The following TCF4 variants were observed in gnomAD, a reference collection of about 807,000 sequenced individuals.
The protein encoded by TCF4 is SL3-3 enhancer factor 2.
TCF4 carries 3 observed loss-of-function variants against 82.1 expected under a neutral mutation model. The observed-to-expected ratio is 0.04, with a 90% CI of 0.02 to 0.09. The LOEUF (loss-of-function observed/expected upper bound fraction) is 0.09. TCF4 is among the 10% of genes least tolerant of loss of function. TCF4 has a pLI of 1.00. For synonymous variants in TCF4, 276 were observed against 309.6 expected (o/e 0.89, Z 1.14); for missense variants, 518 against 852.7 (o/e 0.61, Z 4.89).
rs1457281028 is a variant in TCF4 at position 55,399,878 on chromosome 18, T to TCA, written c.369+3575_369+3576insTG. Among the ~76,000 whole-genome samples, 359 of 77,020 alleles carry TCA rather than the reference T, an allele frequency of 4.7e-3. 1 individual carries two copies. The highest frequency in any genetic ancestry group is 0.011 in the Admixed American group (73 of 6,772). 50.5% of individuals were successfully genotyped at this position (77,020 alleles called of 152,430 possible). A position where few individuals can be genotyped will look rare whatever the true frequency, so the allele number is the denominator to read the frequency against. On this transcript the variant is annotated intron_variant, in intron 6 of 19. Coordinates refer to ENST00000354452, the MANE Select transcript of TCF4 (RefSeq NM_001083962.2). ...ATCTCTCTCTCTCTCTCTCTCTCTC[T>TCA]CTCACACACACACACACACACACAC...
chr18:55,250,926 AGTGG>A (rs1463100884), intron 15 of TCF4, among the ~76,000 whole-genome samples: 1 of 152,200 alleles, frequency 6.6e-6, no homozygotes, highest in Non-Finnish European at 1.5e-5. Flanking sequence ...GGCTAGCATG[AGTGG>A]GGTAGCAAGG....
At chr18:55,616,600 A>G (rs1204529825) in intron 2 of TCF4, among the ~76,000 whole-genome samples, 2 of 152,046 alleles carry the variant, frequency 1.3e-5, no homozygotes, top group East Asian at 1.9e-4. Context: ...AAGGGTTCCA[A>G]TTTCTTCACA....
At chr18:55,431,868 G>T (rs76522571) in intron 5 of TCF4, among the ~76,000 whole-genome samples, 9,144 of 152,160 alleles carry the variant, frequency 0.06, 428 homozygotes, top group African/African-American at 0.13. Flanking sequence ...ATGTCGGGGG[G>T]GTCTTCCAAA....
At chr18:55,533,742 C>T (rs972089073) in intron 3 of TCF4, among the ~76,000 whole-genome samples, 1 of 152,066 alleles carries the variant, frequency 6.6e-6, no homozygotes, top group Non-Finnish European at 1.5e-5. Context: ...TAATAAAATC[C>T]CTTCAGTACC....
intron 2 of TCF4, among the ~76,000 whole-genome samples, chr18:55,604,671 T>A (rs1462624942): frequency 1.3e-5 from 2 of 152,052 alleles, no homozygotes; most frequent in African/African-American, 4.8e-5. Flanking sequence ...TCTCAAGTAA[T>A]GGATAGATGA....
At chr18:55,609,784 G>T (rs1438709525) in intron 2 of TCF4, among the ~76,000 whole-genome samples, 3 of 151,944 alleles carry the variant, frequency 2.0e-5, no homozygotes, top group African/African-American at 7.3e-5. Flanking sequence ...GCTCTGCTTG[G>T]TGCACTTTTT....
At chr18:55,360,915 T>C (rs1224012287) in intron 6 of TCF4, among the ~76,000 whole-genome samples, 4 of 151,522 alleles carry the variant, frequency 2.6e-5, no homozygotes, top group Non-Finnish European at 4.4e-5. Context: ...TTAGTTGAGA[T>C]AGGGTTTCAC....
At chr18:55,619,022 T>A (rs965336979) in intron 2 of TCF4, among the ~76,000 whole-genome samples, 15 of 152,188 alleles carry the variant, frequency 9.9e-5, no homozygotes, top group African/African-American at 3.1e-4. Context: ...GCTGGATTCA[T>A]AGAATGAGAT....
intron 3 of TCF4, among the ~76,000 whole-genome samples, chr18:55,468,679 T>C (rs2096087819): frequency 6.6e-6 from 1 of 152,190 alleles, no homozygotes. Context: ...TACTGTACAA[T>C]GGTGGGCTCA....
intron 3 of TCF4, among the ~76,000 whole-genome samples, chr18:55,569,083 C>T (rs920446643): frequency 2.6e-5 from 4 of 151,886 alleles, no homozygotes; most frequent in African/African-American, 9.7e-5. Flanking sequence ...TAGAATGAAA[C>T]TTTCTTAATC....
In TCF4 at chr18:55,224,286, A is replaced by G. The variant is rs192719779; in HGVS notation, c.*3749T>C. The G allele has an allele frequency of 2.0e-5, 3 of 152,674 alleles. No individual in the cohort carries two copies. Among genetic ancestry groups the G allele is most frequent in the Admixed American group, 6.5e-5 (1 of 15,290 alleles). 9.5% of individuals were successfully genotyped at this position (152,674 alleles called of 1,614,324 possible). A position where few individuals can be genotyped will look rare whatever the true frequency, so the allele number is the denominator to read the frequency against. ...TAATACTTGAAATGAGTATGGCAAAACCAGCACTGCACAAAGATGAGTCCA... is the reference window on the plus strand; with the variant it reads ...TAATACTTGAAATGAGTATGGCAAAGCCAGCACTGCACAAAGATGAGTCCA... On this transcript the variant is annotated 3_prime_UTR_variant, in exon 20 of 20. Coordinates refer to ENST00000354452, the MANE Select transcript of TCF4 (RefSeq NM_001083962.2).
chr18:55,496,334 A>G (rs750174546), intron 3 of TCF4: 1 of 151,996 alleles, frequency 6.6e-6, no homozygotes, highest in Non-Finnish European at 1.5e-5. Context: ...TCAGATACTC[A>G]TAACTCTGCC....
chr18:55,544,598 T>C (rs1344624655), intron 3 of TCF4, among the ~76,000 whole-genome samples: 3 of 152,186 alleles, frequency 2.0e-5, no homozygotes, highest in Non-Finnish European at 4.4e-5. Flanking sequence ...GTGGCCTCAT[T>C]GTAAGGCTCT....
intron 5 of TCF4, among the ~76,000 whole-genome samples, chr18:55,407,851 G>T (rs1334230968): frequency 6.6e-6 from 1 of 151,786 alleles, no homozygotes; most frequent in Admixed American, 6.6e-5. Context: ...ATACATCCAT[G>T]GTATCCTATT....
chr18:55,497,213 G>A (rs1267647952), intron 3 of TCF4, among the ~76,000 whole-genome samples: 1 of 152,118 alleles, frequency 6.6e-6, no homozygotes. Context: ...ATTTTTGTTT[G>A]TGTACCTAGT....
chr18:55,323,145 G>T (rs1164307438), intron 8 of TCF4, among the ~76,000 whole-genome samples: 1 of 152,038 alleles, frequency 6.6e-6, no homozygotes, highest in Non-Finnish European at 1.5e-5. Flanking sequence ...AAAAAGGAAA[G>T]AAAGAAAGGG....
chr18:55,279,690 T>A (rs775908542), intron 8 of TCF4, 34 bp from the exon 9 acceptor site: 2 of 1,613,526 alleles, frequency 1.2e-6, no homozygotes, highest in South Asian at 2.2e-5. Context: ...TTTTGCTTTT[T>A]GCATTGACCA....
intron 8 of TCF4, among the ~76,000 whole-genome samples, chr18:55,349,226 G>C (rs941235889): frequency 6.6e-6 from 1 of 151,930 alleles, no homozygotes; most frequent in South Asian, 2.1e-4. Context: ...ATGATAATCA[G>C]CATACAAAAT....
chr18:55,383,758 C>G (rs1458064529), intron 6 of TCF4: 1 of 152,200 alleles, frequency 6.6e-6, no homozygotes, highest in Non-Finnish European at 1.5e-5. Flanking sequence ...CAGTGTCAGG[C>G]CTGGCGGTAA....
Sources: allele counts gnomAD v4.1 joint callset (sites outside exome capture counted in the v4.1 genomes callset), GRCh38; gene constraint gnomAD v4.1.1; transcripts MANE v1.5; gene names NCBI Gene and HGNC (gene_info 2026-07-23, HGNC 2026-07-21).